CSMD3: variants seen among roughly 807,000 people sequenced by gnomAD.
CSMD3 encodes the protein CUB and Sushi multiple domains 3, also known as CUB and sushi domain-containing protein 3.
CSMD3 carries 177 observed loss-of-function variants against 435.2 expected under a neutral mutation model. The ratio of observed to expected loss-of-function variants is 0.41; its 90% confidence interval spans 0.36 to 0.46. The LOEUF (loss-of-function observed/expected upper bound fraction) is 0.46, where lower values mean the gene tolerates loss of function less well. Among genes scored for constraint, CSMD3 ranks in the 20% least tolerant of loss-of-function variants. The pLI, the probability that CSMD3 is intolerant of heterozygous loss-of-function variation, is 0.34. For synonymous variants in CSMD3, 1,656 were observed against 1,520.5 expected (o/e 1.09, Z -2.07); for missense variants, 4,265 against 4,504.6 (o/e 0.95, Z 1.52).
At chr8:112,776,496 T>C (rs1219752625) in intron 13 of CSMD3, among the ~76,000 whole-genome samples, 1 of 151,798 alleles carries the variant, frequency 6.6e-6, no homozygotes, top group Non-Finnish European at 1.5e-5. Flanking sequence ...TGCTGCTGTC[T>C]AAATCCTGTC....
At chr8:112,991,165 G>T (rs2085443262) in intron 6 of CSMD3, among the ~76,000 whole-genome samples, 1 of 151,252 alleles carries the variant, frequency 6.6e-6, no homozygotes, top group Non-Finnish European at 1.5e-5. Flanking sequence ...ATGTAGAATT[G>T]TTTGCTGAAT....
At chr8:112,771,219 C>T (rs1486019760) in intron 13 of CSMD3, among the ~76,000 whole-genome samples, 2 of 151,998 alleles carry the variant, frequency 1.3e-5, no homozygotes, top group East Asian at 1.9e-4. Flanking sequence ...CTTGGTAGTT[C>T]ACAGCACTGA....
intron 4 of CSMD3, among the ~76,000 whole-genome samples, chr8:113,131,565 A>C (rs2091284453): frequency 6.6e-6 from 1 of 152,162 alleles, no homozygotes; most frequent in South Asian, 2.1e-4. Flanking sequence ...GGATGTATGG[A>C]AACACCTGTA....
chr8:112,528,727 A>G (rs1271498037), intron 27 of CSMD3, among the ~76,000 whole-genome samples: 2 of 152,076 alleles, frequency 1.3e-5, no homozygotes, highest in Admixed American at 6.6e-5. Flanking sequence ...ACTGACCAAA[A>G]CTAGCAGAGA....
chr8:112,607,561 A>G, intron 22 of CSMD3, among the ~76,000 whole-genome samples: 2 of 152,236 alleles, frequency 1.3e-5, no homozygotes, highest in South Asian at 4.1e-4. Context: ...CATGATGAAC[A>G]TAGATTCAAA....
chr8:112,890,927 T>G (rs1026558804), intron 10 of CSMD3, among the ~76,000 whole-genome samples: 1 of 151,672 alleles, frequency 6.6e-6, no homozygotes, highest in Non-Finnish European at 1.5e-5. Context: ...TTATTACTTA[T>G]TCATATAATT....
chr8:112,646,681 A>G (rs2074989298), intron 19 of CSMD3, among the ~76,000 whole-genome samples: 1 of 152,176 alleles, frequency 6.6e-6, no homozygotes, highest in Non-Finnish European at 1.5e-5. Context: ...TATTACTTTG[A>G]CTAGAATCAG....
At chr8:112,291,721 A>G (rs1819778506) in intron 55 of CSMD3, 26 bp from the exon 56 acceptor site, 11 of 1,502,648 alleles carry the variant, frequency 7.3e-6, no homozygotes, top group Non-Finnish European at 9.3e-6. Flanking sequence ...ATTTTGAAAC[A>G]TATGTTTGGA....
chr8:112,697,898 C>T (rs2076294977), intron 13 of CSMD3, among the ~76,000 whole-genome samples: 1 of 151,996 alleles, frequency 6.6e-6, no homozygotes, highest in Non-Finnish European at 1.5e-5. Flanking sequence ...AGAGTTATCT[C>T]ACCGAGTAGA....
chr8:112,730,239 A>G (rs2077047405), intron 13 of CSMD3, among the ~76,000 whole-genome samples: 1 of 152,158 alleles, frequency 6.6e-6, no homozygotes, highest in Non-Finnish European at 1.5e-5. Flanking sequence ...TATAGATTGC[A>G]TTTCTCAAAG....
intron 2 of CSMD3, among the ~76,000 whole-genome samples, chr8:113,301,696 A>G (rs1052784133): frequency 6.6e-6 from 1 of 152,052 alleles, no homozygotes; most frequent in African/African-American, 2.4e-5. Flanking sequence ...TATTTCTGAA[A>G]ACAAACTGGG....
intron 36 of CSMD3, among the ~76,000 whole-genome samples, chr8:112,385,054 T>A (rs1023448085): frequency 6.6e-6 from 1 of 152,178 alleles, no homozygotes; most frequent in Non-Finnish European, 1.5e-5. Flanking sequence ...CCATGAGTAA[T>A]CTTCTTTAGC....
intron 5 of CSMD3, among the ~76,000 whole-genome samples, chr8:113,081,858 G>A (rs1367349571): frequency 6.6e-6 from 1 of 152,216 alleles, no homozygotes; most frequent in East Asian, 1.9e-4. Context: ...ACAACAGGGT[G>A]GCTCACCTCC....
intron 11 of CSMD3, among the ~76,000 whole-genome samples, chr8:112,841,568 C>G (rs952000718): frequency 2.0e-5 from 3 of 151,786 alleles, no homozygotes; most frequent in Non-Finnish European, 4.4e-5. Context: ...GATGTTAGCA[C>G]ATTTGTCTTT....
chr8:112,641,513 G>A (rs950044484), intron 20 of CSMD3, among the ~76,000 whole-genome samples: 1 of 152,036 alleles, frequency 6.6e-6, no homozygotes, highest in South Asian at 2.1e-4. Flanking sequence ...TGTCAAAGGG[G>A]TCCGTAGAGG....
intron 22 of CSMD3, among the ~76,000 whole-genome samples, chr8:112,635,110 TG>T (rs1381349587): frequency 6.6e-6 from 1 of 152,114 alleles, no homozygotes; most frequent in Non-Finnish European, 1.5e-5. Flanking sequence ...CCACTGTAAT[TG>T]ATTTTATAAA....
intron 32 of CSMD3, among the ~76,000 whole-genome samples, chr8:112,416,229 T>C (rs1055279090): frequency 2.0e-5 from 3 of 152,164 alleles, no homozygotes; most frequent in Non-Finnish European, 4.4e-5. Flanking sequence ...GTTGTCATGA[T>C]AGTGAGTGAG....
intron 4 of CSMD3, among the ~76,000 whole-genome samples, chr8:113,171,465 A>G (rs1252480729): frequency 1.3e-5 from 2 of 152,102 alleles, no homozygotes; most frequent in Admixed American, 1.3e-4. Flanking sequence ...ATCTCTTCAA[A>G]GTACTTCTTA....
At chr8:113,301,693 G>A (rs1338424340) in intron 2 of CSMD3, among the ~76,000 whole-genome samples, 1 of 151,744 alleles carries the variant, frequency 6.6e-6, no homozygotes, top group Non-Finnish European at 1.5e-5. Flanking sequence ...TAGTATTTCT[G>A]AAAACAAACT....
Sources: gnomAD v4.1 joint callset for allele counts (sites outside exome capture counted in the v4.1 genomes callset) on GRCh38, gnomAD v4.1.1 for gene constraint, MANE v1.5 for transcripts, NCBI Gene and HGNC (gene_info 2026-07-23, HGNC 2026-07-21) for gene names.